Variants in GRB10 observed in about 807,000 individuals in gnomAD.
GRB10 encodes the protein growth factor receptor bound protein 10.
A neutral mutation model predicts 80.9 loss-of-function variants in GRB10; 20 were observed. The observed-to-expected ratio is 0.25, with a 90% CI of 0.17 to 0.36. The LOEUF is 0.36. GRB10 is among the 10% of genes least tolerant of loss of function. The probability of loss-of-function intolerance (pLI) is 1.00; values close to 1 mark genes in which losing one functional copy is unlikely to be tolerated. For synonymous variants in GRB10, 291 were observed against 291.5 expected (o/e 1.00, Z 0.02); for missense variants, 548 against 747.7 (o/e 0.73, Z 3.12).
intron 4 of GRB10, among the ~76,000 whole-genome samples, chr7:50,708,460 G>A (rs114109134): frequency 0.01 from 1,594 of 152,294 alleles, 27 homozygotes; most frequent in African/African-American, 0.035. Flanking sequence ...AGAGCTGGAA[G>A]GTAAGCGGCA....
intron 1 of GRB10, chr7:50,792,461 A>C: frequency 2.5e-6 from 1 of 398,496 alleles, no homozygotes; most frequent in Non-Finnish European, 4.4e-6. Context: ...CATAACGCAC[A>C]TGCTCCAAGG....
rs868247749 is a variant in GRB10, at chr7:50,595,611, A to G, written c.1545-81T>C. ...CACACACACACTCTCTTACACACACACACACACACACACACACACACACAC... is the reference window on the plus strand; with the variant it reads ...CACACACACACTCTCTTACACACACGCACACACACACACACACACACACAC... On this transcript the variant is annotated intron_variant, in intron 17 of 18. Transcript: ENST00000401949. 1,247 of 739,642 alleles carry G rather than the reference A, an allele frequency of 1.7e-3. 2 individuals carry two copies. The highest frequency in any genetic ancestry group is 0.014 in the Middle Eastern group (58 of 4,008). 45.8% of individuals were successfully genotyped at this position (739,642 alleles called of 1,614,324 possible).
At chr7:50,719,089 C>G (rs1488047470) in intron 4 of GRB10, among the ~76,000 whole-genome samples, 1 of 150,498 alleles carries the variant, frequency 6.6e-6, no homozygotes, top group East Asian at 2.0e-4. Context: ...CTAAAGAAAA[C>G]AAGTAGTGAG....
At chr7:50,726,501 T>C (rs191635438) in intron 4 of GRB10, among the ~76,000 whole-genome samples, 3 of 152,326 alleles carry the variant, frequency 2.0e-5, no homozygotes, top group Admixed American at 1.3e-4. Context: ...TTGAGGATGA[T>C]GATGTTTGAG....
intron 2 of GRB10, among the ~76,000 whole-genome samples, chr7:50,759,308 G>A (rs2075473513): frequency 6.6e-6 from 1 of 152,080 alleles, no homozygotes; most frequent in Admixed American, 6.5e-5. Flanking sequence ...CTTTCCTGGT[G>A]AAGATGATAG....
intron 7 of GRB10, among the ~76,000 whole-genome samples, chr7:50,661,093 G>A (rs2059222903): frequency 6.6e-6 from 1 of 152,220 alleles, no homozygotes; most frequent in Non-Finnish European, 1.5e-5. Context: ...CTCGGGACAG[G>A]CCCAGTTGCA....
At chr7:50,786,009 G>A (rs1444620435), upstream of GRB10, among the ~76,000 whole-genome samples, 1 of 152,142 alleles carries the variant, frequency 6.6e-6, no homozygotes, top group South Asian at 2.1e-4. Flanking sequence ...TGGGGCAGAG[G>A]GCATGTAGGA....
chr7:50,606,616 G>C (rs1046507563), intron 13 of GRB10: 1 of 596,298 alleles, frequency 1.7e-6, no homozygotes, highest in African/African-American at 1.9e-5. Flanking sequence ...AAAAATCCGA[G>C]TATAGCTTTT....
At position 50,614,846 on chromosome 7, in the gene GRB10, T is replaced by C. The variant is rs2050256932; in HGVS notation, c.1019A>G (p.Glu340Gly). ...PRHLQLLADL[E>G]DSNIFSLIAG... Reference sequence around the variant, plus strand: ...GATCAGGGAGAAGATGTTGCTGTCCTCCAGGTCGGCCAGCAGCTGCAGGTG... The same window carrying C: ...GATCAGGGAGAAGATGTTGCTGTCCCCCAGGTCGGCCAGCAGCTGCAGGTG... The change falls in exon 12 of 19, where the codon GAG becomes GGG. Residue 340 changes from glutamate (E) to glycine (G), a missense_variant. Glu to Gly is a moderately conservative substitution (Grantham distance 98). Around this residue, in one of 4 missense-constraint regions of GRB10, gnomAD observed 270 missense variants for 433.6 expected, o/e 0.62. Transcript: ENST00000401949. The C allele has an allele frequency of 1.2e-6, 2 of 1,613,926 alleles. No homozygotes were observed. Among genetic ancestry groups the C allele is most frequent in the Non-Finnish European group, 8.5e-7 (1 of 1,179,892 alleles).
chr7:50,736,559 G>A (rs1419546330), intron 3 of GRB10, among the ~76,000 whole-genome samples: 1 of 152,202 alleles, frequency 6.6e-6, no homozygotes, highest in Non-Finnish European at 1.5e-5. Context: ...TTGGGAGGCA[G>A]AGACAGGTGG....
intron 3 of GRB10, among the ~76,000 whole-genome samples, chr7:50,743,798 C>G (rs1480815768): frequency 1.3e-5 from 2 of 152,170 alleles, no homozygotes; most frequent in African/African-American, 4.8e-5. Context: ...TCCCTTTTGC[C>G]GTGCTGTGGT....
intron 5 of GRB10, among the ~76,000 whole-genome samples, chr7:50,702,448 C>T (rs1368321311): frequency 1.3e-5 from 2 of 152,224 alleles, no homozygotes; most frequent in Non-Finnish European, 2.9e-5. Flanking sequence ...GTGGACATGC[C>T]TGGGTCTGAG....
At chr7:50,641,655 T>C (rs1409078101) in intron 7 of GRB10, among the ~76,000 whole-genome samples, 1 of 152,194 alleles carries the variant, frequency 6.6e-6, no homozygotes, top group Non-Finnish European at 1.5e-5. Context: ...GGTGGAACCA[T>C]GAGTTCCAGA....
intron 2 of GRB10, among the ~76,000 whole-genome samples, chr7:50,763,549 T>TGCATACACACACAC (rs1396047401): frequency 2.0e-5 from 3 of 152,154 alleles, no homozygotes; most frequent in Non-Finnish European, 4.4e-5. Context: ...TACACACGCG[T>TGCATACACACACAC]GCATACACAC....
At chr7:50,603,013 T>C (rs981269578) in intron 17 of GRB10, among the ~76,000 whole-genome samples, 3 of 152,156 alleles carry the variant, frequency 2.0e-5, no homozygotes, top group African/African-American at 7.2e-5. Flanking sequence ...GATGGGTAAG[T>C]GGGGTTTCAT....
At chr7:50,647,281 A>G (rs1215667609) in intron 7 of GRB10, among the ~76,000 whole-genome samples, 1 of 152,262 alleles carries the variant, frequency 6.6e-6, no homozygotes, top group African/African-American at 2.4e-5. Flanking sequence ...TCCACCAGTA[A>G]CATCTTTTTT....
At chr7:50,667,617 G>A (rs1409140452) in intron 7 of GRB10, among the ~76,000 whole-genome samples, 1 of 151,422 alleles carries the variant, frequency 6.6e-6, no homozygotes, top group African/African-American at 2.4e-5. Flanking sequence ...GAGATCAGAA[G>A]TCAACACCAA....
chr7:50,622,436 G>A (rs972036735), intron 8 of GRB10, among the ~76,000 whole-genome samples: 2 of 152,178 alleles, frequency 1.3e-5, no homozygotes, highest in Non-Finnish European at 1.5e-5. Flanking sequence ...CATCTGACCA[G>A]GAACAACCAC....
At chr7:50,662,411 C>T (rs868156950) in intron 7 of GRB10, among the ~76,000 whole-genome samples, 17 of 152,206 alleles carry the variant, frequency 1.1e-4, no homozygotes, top group African/African-American at 3.4e-4. Context: ...TCCTCCACTG[C>T]CTGCACAAAT....
Sources: gnomAD v4.1 joint callset for allele counts (sites outside exome capture counted in the v4.1 genomes callset) on GRCh38, gnomAD v4.1.1 for gene constraint, gnomAD v4.1.1 regional missense constraint, MANE v1.5 for transcripts, NCBI Gene and HGNC (gene_info 2026-07-23, HGNC 2026-07-21) for gene names.